The following EPHA6 variants were observed in gnomAD, a reference collection of about 807,000 sequenced individuals.
EPHA6 encodes ephrin type-A receptor 6.
Under a neutral mutation model 112.0 loss-of-function variants are expected in EPHA6, and 50 were observed. That is an observed-to-expected ratio of 0.45 (90% CI 0.36 to 0.56). EPHA6 has a LOEUF of 0.56. EPHA6 is among the 20% of genes least tolerant of loss of function. The pLI is 0.00. For missense variants in EPHA6, 1,280 were observed against 1,417.4 expected (o/e 0.90, Z 1.56); for synonymous variants, 529 against 490.7 (o/e 1.08, Z -1.03).
chr3:96,896,567 A>G (rs1559810035), intron 2 of EPHA6, among the ~76,000 whole-genome samples: 2 of 152,218 alleles, frequency 1.3e-5, no homozygotes, highest in Non-Finnish European at 1.5e-5. Flanking sequence ...CACAAGTCTC[A>G]GCAAGCCTGT....
chr3:97,233,397 G>GA (rs1009682515), intron 4 of EPHA6, among the ~76,000 whole-genome samples: 5 of 151,490 alleles, frequency 3.3e-5, no homozygotes, highest in Admixed American at 2.0e-4. Flanking sequence ...AAGAAGATCA[G>GA]AAAAATGACA....
intron 2 of EPHA6, among the ~76,000 whole-genome samples, chr3:96,933,064 T>C (rs1182113382): frequency 6.6e-6 from 1 of 152,092 alleles, no homozygotes; most frequent in Non-Finnish European, 1.5e-5. Flanking sequence ...GATGGCATTA[T>C]TTTGACTTCA....
intron 3 of EPHA6, among the ~76,000 whole-genome samples, chr3:97,193,833 G>C (rs2077370582): frequency 6.6e-6 from 1 of 151,940 alleles, no homozygotes; most frequent in Non-Finnish European, 1.5e-5. Flanking sequence ...CCAGTTGTTT[G>C]AGAGTTTCTA....
chr3:97,170,537 G>T (rs2076670305), intron 3 of EPHA6, among the ~76,000 whole-genome samples: 1 of 152,082 alleles, frequency 6.6e-6, no homozygotes, highest in Non-Finnish European at 1.5e-5. Context: ...AGGAGCTCGA[G>T]ACCAGCATGG....
At chr3:97,077,741 G>A (rs546794693) in intron 3 of EPHA6, among the ~76,000 whole-genome samples, 154 of 152,232 alleles carry the variant, frequency 1.0e-3, no homozygotes, top group African/African-American at 3.6e-3. Flanking sequence ...TTTTATGGCT[G>A]CATGGTATTC....
At chr3:97,706,657 C>T (rs897204905) in intron 14 of EPHA6, among the ~76,000 whole-genome samples, 1 of 152,124 alleles carries the variant, frequency 6.6e-6, no homozygotes, top group Non-Finnish European at 1.5e-5. Context: ...GAAGGGGTGT[C>T]CTAGTCTTTT....
At chr3:97,709,756 C>T (rs537282026) in intron 14 of EPHA6, among the ~76,000 whole-genome samples, 115 of 152,302 alleles carry the variant, frequency 7.6e-4, no homozygotes, top group Non-Finnish European at 1.4e-3. Flanking sequence ...AGTCTCCCCC[C>T]ATGCTTCACT....
intron 11 of EPHA6, among the ~76,000 whole-genome samples, chr3:97,567,344 T>C (rs1420804522): frequency 2.0e-5 from 3 of 152,138 alleles, no homozygotes; most frequent in Admixed American, 6.5e-5. Context: ...CCTGCCACAT[T>C]GCACAACTTT....
At position 97,610,897 on chromosome 3, in the gene EPHA6, A is replaced by G. The variant is rs780181543; in HGVS notation, c.2574+43A>G. 6.4e-6 allele frequency: 9 copies of G among 1,405,826 alleles called. No individual in the cohort carries two copies. In the Admixed American group the frequency reaches 1.8e-4, roughly 28 times the overall value. 87.1% of individuals were successfully genotyped at this position (1,405,826 alleles called of 1,614,324 possible). ...GATGGCATTTAAATAAGCTATTCTC[A>G]GTTCTATATTTAAATCATTTATCAT... On this transcript the variant is annotated intron_variant, in intron 13 of 17. Coordinates refer to ENST00000389672, the MANE Select transcript of EPHA6 (RefSeq NM_001080448.3).
At chr3:97,443,475 G>C (rs932943027) in intron 6 of EPHA6, among the ~76,000 whole-genome samples, 2 of 151,256 alleles carry the variant, frequency 1.3e-5, no homozygotes, top group Admixed American at 1.3e-4. Context: ...AAGCCAAGAA[G>C]TTATCTTTAC....
intron 14 of EPHA6, among the ~76,000 whole-genome samples, chr3:97,705,847 G>A (rs2033649944): frequency 6.6e-6 from 1 of 152,128 alleles, no homozygotes; most frequent in South Asian, 2.1e-4. Context: ...ATTTGAAGAT[G>A]ATATAAATTA....
chr3:97,174,235 T>C (rs142212287), intron 3 of EPHA6, among the ~76,000 whole-genome samples: 480 of 152,074 alleles, frequency 3.2e-3, no homozygotes, highest in Non-Finnish European at 4.0e-3. Context: ...GATCTCATTC[T>C]TTTTTATGGC....
intron 3 of EPHA6, among the ~76,000 whole-genome samples, chr3:96,989,644 C>G (rs879312847): frequency 1.3e-5 from 2 of 152,076 alleles, no homozygotes; most frequent in East Asian, 3.9e-4. Flanking sequence ...GGAAGCACTA[C>G]TGGAACACCT....
intron 2 of EPHA6, among the ~76,000 whole-genome samples, chr3:96,949,565 CCT>C (rs2041438246): frequency 6.6e-6 from 1 of 152,014 alleles, no homozygotes; most frequent in East Asian, 1.9e-4. Flanking sequence ...TGAAATTAAA[CCT>C]CTCTAAATAA....
Position 97,760,979 on chromosome 3 carries a change from T to C in EPHA6, c.*12278T>C, listed in dbSNP as rs934947182. On this transcript the variant is annotated 3_prime_UTR_variant, in exon 18 of 18. Coordinates refer to ENST00000389672, the MANE Select transcript of EPHA6 (RefSeq NM_001080448.3). ...TAGCACTGTTTTATGTTTTTCTCTT[T>C]AGTATTCTGTCACCATTTAAAGCTT... 5 of 204,010 alleles carry C rather than the reference T, an allele frequency of 2.5e-5. No homozygotes were observed. Among genetic ancestry groups the C allele is most frequent in the Admixed American group, 1.2e-4 (2 of 16,732 alleles). 12.6% of individuals were successfully genotyped at this position (204,010 alleles called of 1,614,324 possible).
chr3:97,617,714 T>A (rs1194794522), intron 13 of EPHA6, among the ~76,000 whole-genome samples: 2 of 152,160 alleles, frequency 1.3e-5, no homozygotes, highest in African/African-American at 4.8e-5. Context: ...AAGGGTTCAA[T>A]TCAACAAGAT....
In EPHA6 at chr3:97,045,423, T is replaced by C. The variant is rs570108663; in HGVS notation, c.1114+57430T>C. Among the ~76,000 whole-genome samples the C allele has an allele frequency of 4.6e-5, 7 of 152,130 alleles. No homozygotes were observed. In the East Asian group the frequency reaches 9.7e-4, roughly 21 times the overall value. On this transcript the variant is annotated intron_variant, in intron 3 of 17. Coordinates refer to ENST00000389672, the MANE Select transcript of EPHA6 (RefSeq NM_001080448.3). ...GCAAAAATCACGTAATCAACACTTA[T>C]CTGACATAGTCTTTTTATGAAGCGT...
At chr3:97,077,723 T>G (rs1409451010) in intron 3 of EPHA6, among the ~76,000 whole-genome samples, 2 of 152,212 alleles carry the variant, frequency 1.3e-5, no homozygotes, top group African/African-American at 4.8e-5. Flanking sequence ...GGACATGAAC[T>G]CATCCTTTTT....
intron 3 of EPHA6, among the ~76,000 whole-genome samples, chr3:97,207,008 T>C (rs1165760859): frequency 6.6e-6 from 1 of 152,146 alleles, no homozygotes; most frequent in Admixed American, 6.6e-5. Context: ...TTCATCAATA[T>C]AGCAATTTGA....
Sources: gnomAD v4.1 joint callset for allele counts (sites outside exome capture counted in the v4.1 genomes callset) on GRCh38, gnomAD v4.1.1 for gene constraint, MANE v1.5 for transcripts, NCBI Gene and HGNC (gene_info 2026-07-23, HGNC 2026-07-21) for gene names.